Variants in SERPINB4 observed in about 807,000 individuals in gnomAD.
SERPINB4 encodes serpin family B member 4.
Under a neutral mutation model 33.2 loss-of-function variants are expected in SERPINB4, and 39 were observed. The ratio of observed to expected loss-of-function variants is 1.18; its 90% confidence interval spans 0.91 to 1.53. The LOEUF (loss-of-function observed/expected upper bound fraction) is 1.53, where lower values mean the gene tolerates loss of function less well. Among genes scored for constraint, SERPINB4 ranks in the 40% most tolerant of loss-of-function variants. The probability of loss-of-function intolerance (pLI) is 0.00; values close to 1 mark genes in which losing one functional copy is unlikely to be tolerated. For missense variants in SERPINB4, 564 were observed against 455.4 expected, an observed-to-expected ratio of 1.24 and a Z score of -2.17; for synonymous variants, 191 against 166.4, an observed-to-expected ratio of 1.15 and a Z score of -1.14.
Position 63,637,598 on chromosome 18 carries a change from TCA to T in SERPINB4, c.*119_*120del, listed in dbSNP as rs1912966282. ...ATCATTAAATTCTTGATGATGACTA[TCA>T]TCATCAAGATGAGATAGAAAAGAAA... On this transcript the variant is annotated 3_prime_UTR_variant, in exon 8 of 8. Coordinates refer to ENST00000341074, the MANE Select transcript of SERPINB4 (RefSeq NM_002974.4). 2 of 1,005,134 alleles carry T rather than the reference TCA, an allele frequency of 2.0e-6. No individual in the cohort carries two copies. Among genetic ancestry groups the T allele is most frequent in the East Asian group, 4.9e-5 (2 of 40,860 alleles). The allele number at this position is 1,005,134 out of a possible 1,614,324, so 62.3% of individuals were successfully genotyped here.
chr18:63,638,901 T>G (rs1337887331), intron 7 of SERPINB4, among the ~76,000 whole-genome samples: 1 of 151,626 alleles, frequency 6.6e-6, no homozygotes, highest in African/African-American at 2.4e-5. Flanking sequence ...GCATGGCACA[T>G]GTATACATAT....
chr18:63,642,565 T>C (rs1913170645), intron 3 of SERPINB4, among the ~76,000 whole-genome samples: 1 of 152,124 alleles, frequency 6.6e-6, no homozygotes, highest in Non-Finnish European at 1.5e-5. Flanking sequence ...TAGAACTTTC[T>C]ACCTTCCAGC....
rs752155739 is a variant in SERPINB4, at chr18:63,641,842, G to C, written c.269C>G (p.Thr90Ser). 3 of 1,613,250 alleles carry C rather than the reference G, an allele frequency of 1.9e-6. No individual in the cohort carries two copies. Among genetic ancestry groups the C allele is most frequent in the East Asian group, 4.5e-5 (2 of 44,876 alleles). ...TGCATCAGTGGATTTGTTGAATTCA[G>C]TCAGAAGCTTTTGAAACTGGTGATG... ...NVHHQFQKLLTEFNKSTDAYE... is the reference protein window; with the variant it reads ...NVHHQFQKLLSEFNKSTDAYE... The change falls in exon 4 of 8, where the codon ACT (threonine) becomes AGT (serine). Residue 90 changes from threonine to serine, a missense_variant. Coordinates refer to ENST00000341074, the MANE Select transcript of SERPINB4 (RefSeq NM_002974.4).
At chr18:63,643,038 T>G (rs1913187983) in intron 3 of SERPINB4, 123 bp downstream of exon 3, 1 of 1,177,712 alleles carries the variant, frequency 8.5e-7, no homozygotes, top group Non-Finnish European at 1.2e-6. Context: ...ACTCTGTATG[T>G]CTCAATCTTT....
rs1267127166 is a variant in SERPINB4 at position 63,644,252 on chromosome 18, TG to T, written c.-71del. ...CAGAGGTGGGCAGAGAGGCTGTGTG[TG>T]TCTGTGGAATGAAGGGTGAGATCCT... On this transcript the variant is annotated 5_prime_UTR_variant, in exon 1 of 8. Transcript: ENST00000341074. 1 of 152,548 alleles carries T rather than the reference TG, an allele frequency of 6.6e-6. No individual in the cohort carries two copies. Among genetic ancestry groups the T allele is most frequent in the East Asian group, 1.9e-4 (1 of 5,196 alleles). 9.4% of individuals were successfully genotyped at this position (152,548 alleles called of 1,614,324 possible).
chr18:63,638,045 G>C lies in SERPINB4; in HGVS notation c.847C>G (p.His283Asp). 1 of 1,613,560 alleles carries C rather than the reference G, an allele frequency of 6.2e-7. No homozygotes were observed. Among genetic ancestry groups the C allele is most frequent in the Non-Finnish European group, 8.5e-7 (1 of 1,179,732 alleles). Reference sequence around the variant, plus strand: ...TCTTCCATTTTGAACCGAGGTAAGTGTAAATCGACACATGTCTCTCTCATA... The same window carrying C: ...TCTTCCATTTTGAACCGAGGTAAGTCTAAATCGACACATGTCTCTCTCATA... ...QNMRETCVDL[H>D]LPRFKMEESY... The change falls in exon 8 of 8, where the codon CAC (histidine) becomes GAC (aspartate). Residue 283 changes from histidine (H) to aspartate (D), a missense_variant. His to Asp is a moderately conservative substitution (Grantham distance 81). Coordinates refer to ENST00000341074, the MANE Select transcript of SERPINB4 (RefSeq NM_002974.4).
chr18:63,638,276 A>ATTAG (rs1913006546), intron 7 of SERPINB4, among the ~76,000 whole-genome samples, 153 bp from the exon 8 acceptor site: 2 of 152,112 alleles, frequency 1.3e-5, no homozygotes, highest in Non-Finnish European at 2.9e-5. Flanking sequence ...TAATAGGTAA[A>ATTAG]ATATGAGTCC....
chr18:63,641,791 A>C lies in SERPINB4; in HGVS notation c.320T>G (p.Leu107Arg). The stretch of plus-strand genomic sequence containing the variant: ...AAATTGATACGTCTTTTCTCCGAAG[A>C]GCTTGTTGGCGATCTTCAGCTCATA... ...DAYELKIANK[L>R]FGEKTYQFLQ... Residue 107 changes from leucine (L) to arginine (R), a missense_variant, in exon 4 of 8, where the codon CTC (leucine) becomes CGC (arginine). Leu to Arg is a moderately radical substitution (Grantham distance 102). Transcript: ENST00000341074. 2 of 1,613,392 alleles carry C rather than the reference A, an allele frequency of 1.2e-6. No homozygotes were observed. The highest frequency in any genetic ancestry group is 1.7e-6 in the Non-Finnish European group (2 of 1,179,518).
intron 4 of SERPINB4, among the ~76,000 whole-genome samples, 173 bp from the exon 5 acceptor site, chr18:63,641,164 T>G (rs1436492847): frequency 6.6e-6 from 1 of 152,062 alleles, no homozygotes; most frequent in Non-Finnish European, 1.5e-5. Context: ...AAAAGGGGAA[T>G]GTGGGCTGGC....
At chr18:63,641,671 G>A in intron 4 of SERPINB4, 89 bp downstream of exon 4, 3 of 1,603,312 alleles carry the variant, frequency 1.9e-6, no homozygotes, top group Non-Finnish European at 2.6e-6. Flanking sequence ...AGTCGGCCAG[G>A]CTCATCTGCC....
chr18:63,641,770 T>G lies in SERPINB4; in HGVS notation c.341A>C (p.Gln114Pro), dbSNP rs758979367. The change falls in exon 4 of 8, where the codon CAA becomes CCA. Residue 114 changes from glutamine (Q) to proline (P), a missense_variant. Transcript: ENST00000341074. ...ANKLFGEKTY[Q>P]FLQEYLDAIK... ...GCCAGGTGAAATTACCTGTAAAAAT[T>G]GATACGTCTTTTCTCCGAAGAGCTT... 15 of 1,613,198 alleles carry G rather than the reference T, an allele frequency of 9.3e-6. No individual in the cohort carries two copies. The highest frequency in any genetic ancestry group is 1.7e-5 in the Admixed American group (1 of 59,934).
chr18:63,643,017 A>T (rs1207708532), intron 3 of SERPINB4, 144 bp downstream of exon 3: 1 of 923,562 alleles, frequency 1.1e-6, no homozygotes, highest in Non-Finnish European at 1.7e-6. Context: ...TGTGCCATGA[A>T]ATGCCAACCC....
Position 63,643,152 on chromosome 18 carries a change from G to C in SERPINB4, c.222+9C>G. The stretch of plus-strand genomic sequence containing the variant: ...ATCTAAAGCTGAACCATAGTGCTCT[G>C]TGACTCACATGATATGTTGCAGCTT... On this transcript the variant is annotated intron_variant, in intron 3 of 7. Coordinates refer to ENST00000341074, the MANE Select transcript of SERPINB4 (RefSeq NM_002974.4). 6.2e-7 allele frequency: 1 copy of C among 1,613,238 alleles called. No individual in the cohort carries two copies. The highest frequency in any genetic ancestry group is 1.1e-5 in the South Asian group (1 of 91,062).
chr18:63,642,979 G>A (rs1448634111), intron 3 of SERPINB4, 182 bp downstream of exon 3: 4 of 706,068 alleles, frequency 5.7e-6, no homozygotes, highest in Non-Finnish European at 9.5e-6. Context: ...CTGTCTTTTA[G>A]TAACGCAGAA....
chr18:63,639,481 T>C, intron 6 of SERPINB4, 141 bp from the exon 7 acceptor site: 1 of 1,026,144 alleles, frequency 9.7e-7, no homozygotes, highest in Non-Finnish European at 1.4e-6. Flanking sequence ...GTTTTTCAGG[T>C]ATTCCTAACT....
intron 3 of SERPINB4, among the ~76,000 whole-genome samples, chr18:63,642,624 T>A (rs1913172699): frequency 6.6e-6 from 1 of 152,112 alleles, no homozygotes; most frequent in Non-Finnish European, 1.5e-5. Flanking sequence ...TCCATAGCAA[T>A]CATTTTCCAA....
In SERPINB4 at chr18:63,642,224, C is replaced by T. The variant is rs182558904; in HGVS notation, c.223-336G>A. Among the ~76,000 whole-genome samples the T allele has an allele frequency of 2.2e-3, 330 of 152,198 alleles. 3 individuals are homozygous for T. The highest frequency in any genetic ancestry group is 2.6e-3 in the Non-Finnish European group (178 of 67,992). ...CTCTCAGCTCCTTATGGGCAAGGAC[C>T]ATATTTCACTTCTAACAGTCATCAA... On this transcript the variant is annotated intron_variant, in intron 3 of 7. Transcript: ENST00000341074.
Position 63,638,000 on chromosome 18 carries a change from T to C in SERPINB4, c.892A>G (p.Thr298Ala), listed in dbSNP as rs1912992707. The C allele has an allele frequency of 6.2e-7, 1 of 1,613,672 alleles. No individual in the cohort carries two copies. Among genetic ancestry groups the C allele is most frequent in the Non-Finnish European group, 8.5e-7 (1 of 1,179,772 alleles). Residue 298 changes from threonine to alanine, a missense_variant, in exon 8 of 8, where the codon ACG becomes GCG. Physicochemically the swap from Thr to Ala is moderately conservative, Grantham distance 58 (BLOSUM62 0). Coordinates refer to ENST00000341074, the MANE Select transcript of SERPINB4 (RefSeq NM_002974.4). ...TTCACCATTCCCATGGTTCTCAACG[T>C]GTCCTTGAGGTCATAGCTCTCTTCC... ...KMEESYDLKD[T>A]LRTMGMVNIF... is the part of the protein sequence containing the mutation.
At chr18:63,639,078 T>G in intron 7 of SERPINB4, 107 bp downstream of exon 7, 1 of 1,305,124 alleles carries the variant, frequency 7.7e-7, no homozygotes, top group Non-Finnish European at 1.0e-6. Flanking sequence ...TTAGAATTTT[T>G]CATCATTTTG....
Sources: allele counts gnomAD v4.1 joint callset (sites outside exome capture counted in the v4.1 genomes callset), GRCh38; gene constraint gnomAD v4.1.1; transcripts MANE v1.5; gene names NCBI Gene and HGNC (gene_info 2026-07-23, HGNC 2026-07-21).